The following OLFML2B variants were observed in gnomAD, a reference collection of about 807,000 sequenced individuals.
OLFML2B encodes the protein olfactomedin-like protein 2B.
Under a neutral mutation model 74.9 loss-of-function variants are expected in OLFML2B, and 57 were observed. The ratio of observed to expected loss-of-function variants is 0.76; its 90% CI spans 0.61 to 0.95. The LOEUF (loss-of-function observed/expected upper bound fraction) is 0.95, where lower values mean the gene tolerates loss of function less well. Ranked by LOEUF, OLFML2B falls within the 40% of genes least tolerant of loss-of-function variation. OLFML2B has a pLI of 0.00. For synonymous variants in OLFML2B, 388 were observed against 405.8 expected (o/e 0.96, Z 0.53); for missense variants, 986 against 970.6 (o/e 1.02, Z -0.21).
In OLFML2B at chr1:161,984,274, G is replaced by T; in HGVS notation, c.1654C>A (p.Arg552Ser). 6.6e-7 allele frequency: 1 copy of T among 1,518,508 alleles called. No homozygotes were observed. Among genetic ancestry groups the T allele is most frequent in the South Asian group, 1.3e-5 (1 of 75,250 alleles). The allele number at this position is 1,518,508 out of a possible 1,614,324, so 94.1% of individuals were successfully genotyped here. ...GGGAGCTTGTAGGAATTGCTCCAGC[G>T]ACCTGCAGGTGGGGAGAAAACAGGA... ...FRNLENFKQG[R>S]WSNSYKLPYS... Residue 552 changes from arginine to serine, a missense_variant and splice_region_variant, in exon 8 of 8, where the codon CGC (arginine) becomes AGC (serine). Physicochemically the swap from Arg to Ser is moderately radical, Grantham distance 110. Transcript: ENST00000294794.
chr1:161,992,760 G>A lies in OLFML2B; in HGVS notation c.1474+5065C>T, dbSNP rs146915731. 3.9e-4 allele frequency among the ~76,000 whole-genome samples: 60 copies of A among 152,348 alleles called. 1 individual carries two copies. The highest frequency in any genetic ancestry group is 1.4e-3 in the African/African-American group (58 of 41,582). On this transcript the variant is annotated intron_variant, in intron 6 of 7. Coordinates refer to ENST00000294794, the MANE Select transcript of OLFML2B (RefSeq NM_015441.3). Reference sequence around the variant, plus strand: ...ATTTATGGATTGAGTTCACTGCTTTGTATCGGTGTGGGTGGGTGATGCCCC... The same window carrying A: ...ATTTATGGATTGAGTTCACTGCTTTATATCGGTGTGGGTGGGTGATGCCCC...
chr1:161,994,010 C>T (rs994542665), intron 6 of OLFML2B, among the ~76,000 whole-genome samples: 6 of 152,276 alleles, frequency 3.9e-5, no homozygotes, highest in African/African-American at 1.2e-4. Context: ...AAGGCTTAGA[C>T]TTCAGTCCTT....
chr1:161,983,922 C>T lies in OLFML2B; in HGVS notation c.2006G>A (p.Arg669Gln), dbSNP rs551350323. 208 of 1,614,216 alleles carry T rather than the reference C, an allele frequency of 1.3e-4. No homozygotes were observed. Among genetic ancestry groups the T allele is most frequent in the Non-Finnish European group, 1.7e-4 (196 of 1,180,040 alleles). Reference protein sequence around the residue: ...QKETTWRTGLRRNFYGNCFVI... With the variant: ...QKETTWRTGLQRNFYGNCFVI... ...GAAGCAGTTGCCGTAGAAATTCCTCCGGAGCCCCGTGCGCCATGTGGTCTC... is the reference window on the plus strand; with the variant it reads ...GAAGCAGTTGCCGTAGAAATTCCTCTGGAGCCCCGTGCGCCATGTGGTCTC... Residue 669 changes from arginine to glutamine, a missense_variant, in exon 8 of 8, where the codon CGG becomes CAG. Physicochemically the swap from Arg to Gln is conservative, Grantham distance 43. Transcript: ENST00000294794.
intron 6 of OLFML2B, among the ~76,000 whole-genome samples, chr1:161,994,660 G>A (rs946265862): frequency 3.3e-5 from 5 of 152,168 alleles, no homozygotes; most frequent in African/African-American, 1.2e-4. Flanking sequence ...TTCTCGGATG[G>A]TACCAATCCT....
intron 3 of OLFML2B, among the ~76,000 whole-genome samples, chr1:162,011,778 C>A (rs538292390): frequency 6.6e-6 from 1 of 152,162 alleles, no homozygotes; most frequent in Non-Finnish European, 1.5e-5. Flanking sequence ...AAGACCCAGG[C>A]CTCTGGTGAT....
At chr1:161,993,780 C>T (rs1017288343) in intron 6 of OLFML2B, among the ~76,000 whole-genome samples, 6 of 152,170 alleles carry the variant, frequency 3.9e-5, no homozygotes, top group African/African-American at 1.4e-4. Context: ...CTGGAGAACA[C>T]CCTCAGAGAG....
intron 3 of OLFML2B, among the ~76,000 whole-genome samples, chr1:162,011,111 C>G (rs1690366601): frequency 6.6e-6 from 1 of 152,132 alleles, no homozygotes; most frequent in African/African-American, 2.4e-5. Flanking sequence ...ACACTAGACA[C>G]CTGTGGGAGT....
At chr1:161,999,827 C>G (rs1242720925) in intron 5 of OLFML2B, among the ~76,000 whole-genome samples, 1 of 152,190 alleles carries the variant, frequency 6.6e-6, no homozygotes, top group Non-Finnish European at 1.5e-5. Context: ...GTTTTCTCAT[C>G]TGCAAATGGG....
intron 6 of OLFML2B, among the ~76,000 whole-genome samples, chr1:161,992,960 G>A (rs1193475499): frequency 1.0e-5 from 1 of 98,908 alleles, no homozygotes; most frequent in South Asian, 3.1e-4. Flanking sequence ...CAAAGCTTCA[G>A]TCTGTAAAAA....
At chr1:162,001,486 TGA>T in intron 4 of OLFML2B, among the ~76,000 whole-genome samples, 1 of 152,306 alleles carries the variant, frequency 6.6e-6, no homozygotes, top group East Asian at 1.9e-4. Context: ...CTTGTGATCA[TGA>T]GGGGATTTTG....
intron 3 of OLFML2B, among the ~76,000 whole-genome samples, chr1:162,012,556 G>A (rs906065522): frequency 1.3e-5 from 2 of 152,150 alleles, no homozygotes; most frequent in Non-Finnish European, 2.9e-5. Context: ...TCTTCAGCTG[G>A]GACACAAGGT....
At chr1:162,005,403 G>A (rs529827207) in intron 4 of OLFML2B, among the ~76,000 whole-genome samples, 1 of 152,300 alleles carries the variant, frequency 6.6e-6, no homozygotes, top group South Asian at 2.1e-4. Context: ...GCTCATAGCT[G>A]GATCTGTTTC....
intron 3 of OLFML2B, among the ~76,000 whole-genome samples, chr1:162,015,839 G>C (rs1690517586): frequency 6.6e-6 from 1 of 152,180 alleles, no homozygotes; most frequent in Non-Finnish European, 1.5e-5. Context: ...GAGAGTGGCA[G>C]ACAGCGAGGA....
At chr1:161,997,687 G>T in intron 6 of OLFML2B, 138 bp downstream of exon 6, 1 of 912,550 alleles carries the variant, frequency 1.1e-6, no homozygotes, top group Non-Finnish European at 1.7e-6. Flanking sequence ...CTAATCGTTG[G>T]TCAAAGGCTT....
At chr1:162,019,150 C>T (rs1690630312) in intron 2 of OLFML2B, among the ~76,000 whole-genome samples, 1 of 152,236 alleles carries the variant, frequency 6.6e-6, no homozygotes, top group Admixed American at 6.5e-5. Context: ...CATAGTCATC[C>T]ATTCATTCAT....
intron 1 of OLFML2B, among the ~76,000 whole-genome samples, chr1:162,022,265 T>C (rs796155121): frequency 6.9e-6 from 1 of 144,226 alleles, no homozygotes; most frequent in African/African-American, 2.6e-5. Flanking sequence ...TTTTTTTTTT[T>C]TTTGAGACGG....
chr1:161,999,943 A>G (rs186184157), intron 5 of OLFML2B, among the ~76,000 whole-genome samples, 170 bp downstream of exon 5: 2 of 152,360 alleles, frequency 1.3e-5, no homozygotes, highest in East Asian at 3.9e-4. Flanking sequence ...AAGGCCACTC[A>G]GCGAGCTGTG....
chr1:161,997,968 A>G lies in OLFML2B; in HGVS notation c.1331T>C (p.Met444Thr), dbSNP rs1689963112. ...CACTGGGACTGTGTGCATAGCTTCC[A>G]TCAATGCCTCCCTGGGAGACACTGC... ...PPAVSPREAL[M>T]EAMHTVPVPP... is the part of the protein sequence containing the mutation. Residue 444 changes from methionine (M) to threonine (T), a missense_variant, in exon 6 of 8, where the codon ATG becomes ACG. By Grantham distance (81) the Met-to-Thr change is moderately conservative. Coordinates refer to ENST00000294794, the MANE Select transcript of OLFML2B (RefSeq NM_015441.3). 2 of 1,614,080 alleles carry G rather than the reference A, an allele frequency of 1.2e-6. No homozygotes were observed. Among genetic ancestry groups the G allele is most frequent in the South Asian group, 1.1e-5 (1 of 91,082 alleles).
chr1:161,988,292 C>A (rs1369774857), intron 6 of OLFML2B, among the ~76,000 whole-genome samples: 1 of 152,178 alleles, frequency 6.6e-6, no homozygotes, highest in Non-Finnish European at 1.5e-5. Context: ...AGCATATAAA[C>A]CTCCTCAAAT....
Sources: gnomAD v4.1 joint callset for allele counts (sites outside exome capture counted in the v4.1 genomes callset) on GRCh38, gnomAD v4.1.1 for gene constraint, MANE v1.5 for transcripts, NCBI Gene and HGNC (gene_info 2026-07-23, HGNC 2026-07-21) for gene names.